DCLK3: variants seen among roughly 807,000 people sequenced by gnomAD.
DCLK3 encodes serine/threonine-protein kinase DCLK3.
DCLK3 carries 30 observed loss-of-function variants against 46.4 expected under a neutral mutation model. The ratio of observed to expected loss-of-function variants is 0.65; its 90% CI spans 0.48 to 0.88. DCLK3 has a LOEUF of 0.88. Among genes scored for constraint, DCLK3 ranks in the 40% least tolerant of loss-of-function variants. DCLK3 has a pLI of 0.00. For missense variants in DCLK3, 846 were observed against 907.1 expected, an observed-to-expected ratio of 0.93 and a Z score of 0.87; for synonymous variants, 401 against 339.2, an observed-to-expected ratio of 1.18 and a Z score of -2.00.
chr3:36,718,385 A>C (rs1701013129), intron 3 of DCLK3, among the ~76,000 whole-genome samples: 4 of 152,262 alleles, frequency 2.6e-5, no homozygotes, highest in African/African-American at 9.6e-5. Context: ...AGTGTGGTCC[A>C]TGGATCACTG....
intron 1 of DCLK3, among the ~76,000 whole-genome samples, chr3:36,754,044 G>A (rs775092099): frequency 6.6e-6 from 1 of 152,082 alleles, no homozygotes; most frequent in Non-Finnish European, 1.5e-5. Context: ...AATGTCTTTG[G>A]AAAATATAAT....
At chr3:36,749,214 C>A (rs1701418424) in intron 1 of DCLK3, among the ~76,000 whole-genome samples, 1 of 152,214 alleles carries the variant, frequency 6.6e-6, no homozygotes, top group South Asian at 2.1e-4. Flanking sequence ...TTTCGCTTTT[C>A]TCAGTGCTAT....
chr3:36,743,095 C>G (rs1296367906), intron 1 of DCLK3, among the ~76,000 whole-genome samples: 1 of 152,096 alleles, frequency 6.6e-6, no homozygotes, highest in Non-Finnish European at 1.5e-5. Flanking sequence ...GTGGCTCACC[C>G]TCATACCGGT....
At chr3:36,724,128 G>C (rs897894052) in intron 2 of DCLK3, among the ~76,000 whole-genome samples, 6 of 152,138 alleles carry the variant, frequency 3.9e-5, no homozygotes, top group Non-Finnish European at 5.9e-5. Context: ...TCATTTTGGA[G>C]CTTTAAGATT....
chr3:36,744,582 A>G (rs557255870), intron 1 of DCLK3, among the ~76,000 whole-genome samples: 1 of 152,330 alleles, frequency 6.6e-6, no homozygotes, highest in Admixed American at 6.5e-5. Flanking sequence ...AAATGGCATT[A>G]ATGTCTTACT....
intron 2 of DCLK3, among the ~76,000 whole-genome samples, chr3:36,729,243 GTGTGT>G (rs1701162206): frequency 1.6e-5 from 1 of 61,448 alleles, no homozygotes; most frequent in Non-Finnish European, 4.1e-5. Context: ...GGTTGTGTGT[GTGTGT>G]GGGGGGGGGG....
rs73824472 is a variant in DCLK3, at chr3:36,748,124, T to C, written c.83-9040A>G. ...CCCAGGATCACATTCAGCTCAGCAG[T>C]GGGTTTATTTTTCCAAGATCTGTTT... On this transcript the variant is annotated intron_variant, in intron 1 of 4. Coordinates refer to ENST00000636136, the MANE Select transcript of DCLK3 (RefSeq NM_001394672.2). 7.4e-3 allele frequency among the ~76,000 whole-genome samples: 1,121 copies of C among 152,098 alleles called. 10 individuals are homozygous for C. Among genetic ancestry groups the C allele is most frequent in the African/African-American group, 0.018 (735 of 41,486 alleles).
At chr3:36,750,174 G>A (rs1279199444) in intron 1 of DCLK3, among the ~76,000 whole-genome samples, 6 of 152,066 alleles carry the variant, frequency 3.9e-5, no homozygotes, top group African/African-American at 1.5e-4. Context: ...TCTGCTTCCC[G>A]GGTTCAAGCG....
intron 1 of DCLK3, among the ~76,000 whole-genome samples, chr3:36,752,341 C>A (rs1187840178): frequency 6.6e-6 from 1 of 152,180 alleles, no homozygotes; most frequent in Non-Finnish European, 1.5e-5. Flanking sequence ...CTTGGCCGCA[C>A]TCCCCACCCA....
Position 36,738,345 on chromosome 3 carries a change from A to G in DCLK3, c.822T>C (p.Ser274=), listed in dbSNP as rs568179590. 2.1e-5 allele frequency: 31 copies of G among 1,504,958 alleles called. No individual in the cohort carries two copies. In the African/African-American group the frequency reaches 3.9e-4, roughly 19 times the overall value. 93.2% of individuals were successfully genotyped at this position (1,504,958 alleles called of 1,614,324 possible). The change falls in exon 2 of 5, where the codon AGT becomes AGC. Residue 274 remains serine (S), a synonymous_variant. Transcript: ENST00000636136. ...WGRGKWEPEP[S]SKPPREATLE... is the part of the protein sequence containing the mutation. ...GAGTGGCTTCCCTGGGGGGCTTGCTACTGGGTTCTGGCTCCCATTTCCCCC... is the reference window on the plus strand; with the variant it reads ...GAGTGGCTTCCCTGGGGGGCTTGCTGCTGGGTTCTGGCTCCCATTTCCCCC...
chr3:36,752,019 T>C (rs1001819679), intron 1 of DCLK3, among the ~76,000 whole-genome samples: 1 of 152,252 alleles, frequency 6.6e-6, no homozygotes, highest in African/African-American at 2.4e-5. Flanking sequence ...TGGATTCCAT[T>C]GGTACCCACC....
chr3:36,741,324 G>A (rs1458205291), intron 1 of DCLK3, among the ~76,000 whole-genome samples: 1 of 152,284 alleles, frequency 6.6e-6, no homozygotes, highest in South Asian at 2.1e-4. Context: ...GATACATACT[G>A]TCAGACTAAG....
Position 36,738,869 on chromosome 3 carries a change from C to A in DCLK3, c.298G>T (p.Val100Leu). 2 of 509,206 alleles carry A rather than the reference C, an allele frequency of 3.9e-6. No homozygotes were observed. The allele number at this position is 509,206 out of a possible 1,614,324, so 31.5% of individuals were successfully genotyped here. Reference protein sequence around the residue: ...SPLKPRVVTVVKLGGQRPRKI... With the variant: ...SPLKPRVVTVLKLGGQRPRKI... ...CGGGGGCGCTGCCCACCCAGCTTCA[C>A]TACGGTCACGACCCTGGGCTTCAGA... The change falls in exon 2 of 5, where the codon GTG (valine) becomes TTG (leucine). Residue 100 changes from valine to leucine, a missense_variant. Physicochemically the swap from Val to Leu is conservative, Grantham distance 32. Coordinates refer to ENST00000636136, the MANE Select transcript of DCLK3 (RefSeq NM_001394672.2).
rs1701275669 is a variant in DCLK3 at position 36,737,306 on chromosome 3, G to T, written c.1861C>A (p.Pro621Thr). 1.2e-5 allele frequency: 19 copies of T among 1,614,124 alleles called. No individual in the cohort carries two copies. The highest frequency in any genetic ancestry group is 1.6e-5 in the Non-Finnish European group (19 of 1,180,026). The change falls in exon 2 of 5, where the codon CCC (proline) becomes ACC (threonine). Residue 621 changes from proline to threonine, a missense_variant. Pro to Thr is a conservative substitution (Grantham distance 38). Around this residue, in one of 3 missense-constraint regions of DCLK3, gnomAD observed 247 missense variants for 322.8 expected, o/e 0.77. Transcript: ENST00000636136. The surrounding 1 kb of genome is among the most constrained non-coding windows in gnomAD (Gnocchi z 4.4). ...TCCATGATCATGAGGGCAGCATCGG[G>T]CTCCGGGAACTTCACACTTTCTATG... ...AIIESVKFPEPDAALMIMDLC... is the reference protein window; with the variant it reads ...AIIESVKFPETDAALMIMDLC...
At chr3:36,720,816 T>C (rs928370528) in intron 3 of DCLK3, among the ~76,000 whole-genome samples, 5 of 152,106 alleles carry the variant, frequency 3.3e-5, no homozygotes, top group Admixed American at 3.3e-4. Flanking sequence ...CATCTCCTCA[T>C]CTTAATTATC....
chr3:36,745,809 G>A (rs951548751), intron 1 of DCLK3, among the ~76,000 whole-genome samples: 9 of 152,192 alleles, frequency 5.9e-5, no homozygotes, highest in African/African-American at 2.2e-4. Context: ...TGAGGCAGGA[G>A]AAACATTTGT....
At chr3:36,734,046 T>C (rs1388656837) in intron 2 of DCLK3, among the ~76,000 whole-genome samples, 1 of 152,210 alleles carries the variant, frequency 6.6e-6, no homozygotes, top group Admixed American at 6.5e-5. Flanking sequence ...AGTTTGACAA[T>C]ATAAAGCTTA....
At chr3:36,744,670 A>G (rs1051300965) in intron 1 of DCLK3, among the ~76,000 whole-genome samples, 1 of 152,254 alleles carries the variant, frequency 6.6e-6, no homozygotes, top group African/African-American at 2.4e-5. Flanking sequence ...ATGTTCATAA[A>G]GAAAATAAGT....
At chr3:36,731,348 A>C (rs1299885057) in intron 2 of DCLK3, among the ~76,000 whole-genome samples, 1 of 152,006 alleles carries the variant, frequency 6.6e-6, no homozygotes, top group Non-Finnish European at 1.5e-5. Flanking sequence ...CTCCATCATC[A>C]CATAAAGATG....
Sources: allele counts gnomAD v4.1 joint callset (sites outside exome capture counted in the v4.1 genomes callset), GRCh38; gene constraint gnomAD v4.1.1; regional missense constraint gnomAD v4.1.1; non-coding constraint Gnocchi (gnomAD v3.1); transcripts MANE v1.5; gene names NCBI Gene and HGNC (gene_info 2026-07-23, HGNC 2026-07-21).